CDH18: variants seen among roughly 807,000 people sequenced by gnomAD.
The protein encoded by CDH18 is cadherin 18.
CDH18 carries 31 observed loss-of-function variants against 67.9 expected under a neutral mutation model. That is an observed-to-expected ratio of 0.46 (90% CI 0.34 to 0.62). CDH18 has a LOEUF of 0.62. Among genes scored for constraint, CDH18 ranks in the 20% least tolerant of loss-of-function variants. CDH18 has a pLI of 0.01. For synonymous variants in CDH18, 362 were observed against 347.2 expected (o/e 1.04, Z -0.48); for missense variants, 890 against 975.5 (o/e 0.91, Z 1.17).
intron 1 of CDH18, among the ~76,000 whole-genome samples, chr5:20,352,673 T>C (rs1741297993): frequency 6.6e-6 from 1 of 151,098 alleles, no homozygotes; most frequent in Non-Finnish European, 1.5e-5. Context: ...CTGGCGCCTG[T>C]ATCCCAGCTA....
chr5:19,533,841 A>C (rs1290565642), intron 9 of CDH18, among the ~76,000 whole-genome samples: 1 of 152,274 alleles, frequency 6.6e-6, no homozygotes, highest in Middle Eastern at 3.4e-3. Flanking sequence ...TTATTTTATA[A>C]GTTTTTGGAG....
At chr5:20,193,853 A>G (rs78683221) in intron 2 of CDH18, among the ~76,000 whole-genome samples, 1 of 152,174 alleles carries the variant, frequency 6.6e-6, no homozygotes, top group Non-Finnish European at 1.5e-5. Flanking sequence ...CAAGAACCAC[A>G]TGATTATCTC....
chr5:20,339,140 C>T (rs912252944), intron 1 of CDH18, among the ~76,000 whole-genome samples: 22 of 152,244 alleles, frequency 1.4e-4, no homozygotes, highest in South Asian at 2.1e-4. Flanking sequence ...TTTCTCCTCT[C>T]TCTTTCTAGG....
At chr5:20,429,676 T>C (rs1037556406) in intron 1 of CDH18, among the ~76,000 whole-genome samples, 1 of 152,182 alleles carries the variant, frequency 6.6e-6, no homozygotes, top group Non-Finnish European at 1.5e-5. Context: ...CTGAGCTACT[T>C]TGAGCAAGTA....
At chr5:19,635,523 A>G (rs1292356867) in intron 5 of CDH18, among the ~76,000 whole-genome samples, 1 of 152,182 alleles carries the variant, frequency 6.6e-6, no homozygotes, top group Non-Finnish European at 1.5e-5. Context: ...TGACAAAGTC[A>G]TCTTTGGTAG....
intron 2 of CDH18, among the ~76,000 whole-genome samples, chr5:20,142,160 A>T (rs769667830): frequency 5.3e-5 from 8 of 152,168 alleles, no homozygotes; most frequent in Non-Finnish European, 1.2e-4. Context: ...TAGTTCAGTT[A>T]GTTACAGAGA....
chr5:20,035,770 A>T (rs1340849729), intron 2 of CDH18, among the ~76,000 whole-genome samples: 1 of 152,032 alleles, frequency 6.6e-6, no homozygotes, highest in East Asian at 1.9e-4. Context: ...AAAAGAGAAA[A>T]TGATACTCAG....
intron 2 of CDH18, among the ~76,000 whole-genome samples, chr5:20,069,192 T>C (rs1743230232): frequency 6.6e-6 from 1 of 151,964 alleles, no homozygotes; most frequent in East Asian, 1.9e-4. Context: ...TAGAAATTTA[T>C]ATAAATATGC....
In CDH18 at chr5:19,960,565, G is replaced by A. The variant is rs1388841265; in HGVS notation, c.-257+20495C>T. 9.7e-4 allele frequency among the ~76,000 whole-genome samples: 114 copies of A among 117,950 alleles called. 1 individual carries two copies. In the South Asian group the frequency reaches 0.018, roughly 18 times the overall value. The allele number at this position is 117,950 out of a possible 152,430, so 77.4% of individuals were successfully genotyped here. A position where few individuals can be genotyped will look rare whatever the true frequency, so the allele number is the denominator to read the frequency against. ...AATATACGTGTGTGTGTGTGTATGT[G>A]TGTGTGTGTGTGTGTGTGTGTGTGT... On this transcript the variant is annotated intron_variant, in intron 2 of 12. Transcript: ENST00000382275.
chr5:20,478,852 T>C (rs1017897478), intron 1 of CDH18, among the ~76,000 whole-genome samples: 4 of 152,060 alleles, frequency 2.6e-5, no homozygotes, highest in South Asian at 4.1e-4. Context: ...CCAGTGATGA[T>C]GGCCACAGAA....
chr5:19,556,045 T>A (rs754959404), intron 8 of CDH18, among the ~76,000 whole-genome samples: 4 of 152,060 alleles, frequency 2.6e-5, no homozygotes, highest in Non-Finnish European at 5.9e-5. Context: ...AGTTTGACTC[T>A]CAGGCAGCCC....
At chr5:19,862,399 T>C (rs569452362) in intron 2 of CDH18, among the ~76,000 whole-genome samples, 3 of 152,326 alleles carry the variant, frequency 2.0e-5, no homozygotes, top group African/African-American at 4.8e-5. Flanking sequence ...GTTCATTCAA[T>C]CCCTCAAAAG....
intron 2 of CDH18, among the ~76,000 whole-genome samples, chr5:20,080,615 G>T (rs1744383891): frequency 6.6e-6 from 1 of 151,996 alleles, no homozygotes; most frequent in South Asian, 2.1e-4. Context: ...TTTATTTTTT[G>T]ATGAAAATTA....
At chr5:19,480,355 A>AT (rs759072001) in intron 12 of CDH18, among the ~76,000 whole-genome samples, 4 of 67,826 alleles carry the variant, frequency 5.9e-5, no homozygotes, top group Admixed American at 2.8e-4. Flanking sequence ...AGTTTATTTT[A>AT]TTTATTTATT....
chr5:20,335,709 AT>A (rs1739661033), intron 1 of CDH18, among the ~76,000 whole-genome samples: 1 of 152,150 alleles, frequency 6.6e-6, no homozygotes, highest in Non-Finnish European at 1.5e-5. Flanking sequence ...TCACTGCTGT[AT>A]TTTCAGAACT....
At chr5:20,526,357 C>T (rs2126537989) in intron 1 of CDH18, among the ~76,000 whole-genome samples, 1 of 152,238 alleles carries the variant, frequency 6.6e-6, no homozygotes, top group East Asian at 1.9e-4. Context: ...AGAGTCCAGA[C>T]ATTCCAGACC....
At chr5:19,877,303 C>A (rs951926992) in intron 2 of CDH18, among the ~76,000 whole-genome samples, 3 of 152,018 alleles carry the variant, frequency 2.0e-5, no homozygotes, top group Non-Finnish European at 4.4e-5. Context: ...CTGGAAAAAT[C>A]TTCCTAAGTA....
intron 1 of CDH18, among the ~76,000 whole-genome samples, chr5:20,573,291 C>T (rs1025010065): frequency 3.3e-5 from 5 of 151,750 alleles, no homozygotes; most frequent in African/African-American, 1.2e-4. Flanking sequence ...GATGTTACAT[C>T]TACTTATGCT....
intron 1 of CDH18, among the ~76,000 whole-genome samples, chr5:20,557,520 A>G (rs893788253): frequency 9.9e-5 from 15 of 152,230 alleles, no homozygotes; most frequent in African/African-American, 3.6e-4. Context: ...ATAGGTCTTC[A>G]TTTGAAGTGT....
Sources: allele counts gnomAD v4.1 joint callset (sites outside exome capture counted in the v4.1 genomes callset), GRCh38; gene constraint gnomAD v4.1.1; transcripts MANE v1.5; gene names NCBI Gene and HGNC (gene_info 2026-07-23, HGNC 2026-07-21).